The following DIAPH2 variants were observed in gnomAD, a reference collection of about 807,000 sequenced individuals.
DIAPH2 encodes the protein diaphanous related formin 2, also known as protein diaphanous homolog 2.
DIAPH2 carries 35 observed loss-of-function variants against 92.7 expected under a neutral mutation model. The ratio of observed to expected loss-of-function variants is 0.38; its 90% CI spans 0.29 to 0.50. The LOEUF (loss-of-function observed/expected upper bound fraction) is 0.50, where lower values mean the gene tolerates loss of function less well. DIAPH2 is among the 20% of genes least tolerant of loss of function. The pLI, the probability that DIAPH2 is intolerant of heterozygous loss-of-function variation, is 0.94. For missense variants in DIAPH2, 701 were observed against 819.5 expected, an observed-to-expected ratio of 0.86 and a Z score of 1.77; for synonymous variants, 301 against 280.4, an observed-to-expected ratio of 1.07 and a Z score of -0.73.
chrX:97,504,412 T>C (rs1399006196), intron 26 of DIAPH2, among the ~76,000 whole-genome samples: 2 of 112,724 alleles, frequency 1.8e-5, no homozygotes, highest in African/African-American at 3.2e-5. Context: ...CCAATGTCGA[T>C]CCAATTATGC....
chrX:96,897,162 A>T (rs938423890), intron 5 of DIAPH2, among the ~76,000 whole-genome samples: 3 of 111,282 alleles, frequency 2.7e-5, no homozygotes, highest in African/African-American at 9.8e-5. Flanking sequence ...AAGAGAAGAA[A>T]TTTTTAAAAG....
intron 4 of DIAPH2, among the ~76,000 whole-genome samples, chrX:96,795,730 G>T (rs1269262601): frequency 9.0e-6 from 1 of 111,636 alleles, no homozygotes; most frequent in Admixed American, 9.5e-5. Flanking sequence ...TCCTGACTCT[G>T]TTGTGTAATT....
At chrX:97,143,101 CA>C (rs1403336617) in intron 22 of DIAPH2, among the ~76,000 whole-genome samples, 1 of 111,033 alleles carries the variant, frequency 9.0e-6, no homozygotes, top group Non-Finnish European at 1.9e-5. Context: ...TCGTTGTTTT[CA>C]AAAAATTGTG....
chrX:97,485,789 T>C lies in DIAPH2; in HGVS notation c.3241+56044T>C, dbSNP rs936118431. ...TGTGTAAATCTGAGTCAAAATTCAG[T>C]GTCCTTTAAACATCTCGGGGCAAAT... is the stretch of plus-strand genomic sequence containing the variant. On this transcript the variant is annotated intron_variant, in intron 26 of 26. Coordinates refer to ENST00000324765, the MANE Select transcript of DIAPH2 (RefSeq NM_006729.5). Among the ~76,000 whole-genome samples, 7 of 112,062 alleles carry C rather than the reference T, an allele frequency of 6.2e-5. No homozygotes were observed. The East Asian group carries it at 2.0e-3, about 31-fold the overall frequency.
intron 1 of DIAPH2, among the ~76,000 whole-genome samples, chrX:96,711,222 ATCTACTTTTAGTTC>A (rs2063915916): frequency 9.0e-6 from 1 of 111,567 alleles, no homozygotes; most frequent in Non-Finnish European, 1.9e-5. Flanking sequence ...TAAATGGTAG[ATCTACTTTTAGTTC>A]TTTAAGGAAT....
chrX:97,361,952 T>C (rs2069328961), intron 24 of DIAPH2, among the ~76,000 whole-genome samples: 1 of 112,129 alleles, frequency 8.9e-6, no homozygotes, highest in African/African-American at 3.2e-5. Context: ...GTAAGATGGC[T>C]GGCATTGGCA....
At chrX:96,785,377 T>C (rs994457672) in intron 4 of DIAPH2, among the ~76,000 whole-genome samples, 3 of 109,622 alleles carry the variant, frequency 2.7e-5, no homozygotes, top group African/African-American at 1.0e-4. Flanking sequence ...TCGTGAGGGC[T>C]CTCTTGCTGC....
intron 26 of DIAPH2, among the ~76,000 whole-genome samples, chrX:97,511,077 T>C (rs1602638143): frequency 9.6e-6 from 1 of 104,352 alleles, no homozygotes; most frequent in Non-Finnish European, 2.0e-5. Context: ...GGGGATGGCA[T>C]TGAATCTATA....
At chrX:97,160,769 G>A (rs2067363724) in intron 22 of DIAPH2, among the ~76,000 whole-genome samples, 2 of 111,454 alleles carry the variant, frequency 1.8e-5, no homozygotes, top group African/African-American at 6.5e-5. Context: ...TCCTCCAAAT[G>A]TTAATAATTT....
chrX:96,868,168 G>A (rs752059625), intron 4 of DIAPH2, among the ~76,000 whole-genome samples: 1 of 111,617 alleles, frequency 9.0e-6, no homozygotes, highest in African/African-American at 3.3e-5. Context: ...GATGTCATTT[G>A]GTCTTTATTT....
chrX:97,321,619 C>T (rs1221196286), intron 23 of DIAPH2, among the ~76,000 whole-genome samples: 11 of 100,542 alleles, frequency 1.1e-4, no homozygotes, highest in Admixed American at 8.9e-4. Flanking sequence ...GTGCAATCTC[C>T]GCTCACTGCA....
intron 1 of DIAPH2, among the ~76,000 whole-genome samples, chrX:96,686,777 ACAGT>A (rs1602425428): frequency 8.9e-6 from 1 of 112,301 alleles, no homozygotes; most frequent in Non-Finnish European, 1.9e-5. Context: ...AGTTGACCAA[ACAGT>A]AAGATTTAGT....
At chrX:97,228,601 C>T (rs998282725) in intron 22 of DIAPH2, among the ~76,000 whole-genome samples, 1 of 111,337 alleles carries the variant, frequency 9.0e-6, no homozygotes, top group African/African-American at 3.3e-5. Flanking sequence ...GAGCAGTTTA[C>T]AATTATGTAA....
intron 17 of DIAPH2, among the ~76,000 whole-genome samples, chrX:96,998,451 T>C (rs1377322919): frequency 8.9e-6 from 1 of 111,741 alleles, no homozygotes; most frequent in Non-Finnish European, 1.9e-5. Flanking sequence ...GCTCAGTTTA[T>C]GGAGGACACA....
chrX:97,206,314 AG>A (rs1001477790), intron 22 of DIAPH2, among the ~76,000 whole-genome samples: 1 of 111,995 alleles, frequency 8.9e-6, no homozygotes, highest in African/African-American at 3.2e-5. Context: ...TGGAACTTAA[AG>A]TAAAAACAAA....
chrX:96,903,977 G>A (rs2065416228), intron 5 of DIAPH2, among the ~76,000 whole-genome samples: 2 of 112,149 alleles, frequency 1.8e-5, no homozygotes, highest in Admixed American at 1.9e-4. Flanking sequence ...AAATTATTTT[G>A]TAAATATGTA....
intron 22 of DIAPH2, among the ~76,000 whole-genome samples, chrX:97,228,034 G>T (rs2067979042): frequency 1.8e-5 from 2 of 110,975 alleles, no homozygotes; most frequent in South Asian, 7.7e-4. Context: ...CCAAGTAGCT[G>T]GGACCACACG....
In DIAPH2 at chrX:97,260,805, G is replaced by A. The variant is rs187494088; in HGVS notation, c.2844+12966G>A. ...CTGGAATTTTTCAGCTAAGAGGTTCGAATAGATTTAGGTATTTATCCAAAC... is the reference window on the plus strand; with the variant it reads ...CTGGAATTTTTCAGCTAAGAGGTTCAAATAGATTTAGGTATTTATCCAAAC... On this transcript the variant is annotated intron_variant, in intron 23 of 26. Coordinates refer to ENST00000324765, the MANE Select transcript of DIAPH2 (RefSeq NM_006729.5). Among the ~76,000 whole-genome samples the A allele has an allele frequency of 1.1e-3, 120 of 112,052 alleles. 1 individual carries two copies. In the Admixed American group the frequency reaches 0.011, roughly 11 times the overall value.
chrX:97,159,358 T>A (rs2067348174), intron 22 of DIAPH2, among the ~76,000 whole-genome samples: 1 of 112,306 alleles, frequency 8.9e-6, no homozygotes, highest in Non-Finnish European at 1.9e-5. Flanking sequence ...ATTATGGTTC[T>A]CTGATTATAG....
Sources: gnomAD v4.1 joint callset for allele counts (sites outside exome capture counted in the v4.1 genomes callset) on GRCh38, gnomAD v4.1.1 for gene constraint, MANE v1.5 for transcripts, NCBI Gene and HGNC (gene_info 2026-07-23, HGNC 2026-07-21) for gene names.